Variants in RASAL2 observed in about 807,000 individuals in gnomAD.
RASAL2 encodes ras GTPase-activating protein nGAP.
Under a neutral mutation model 128.9 loss-of-function variants are expected in RASAL2, and 58 were observed. The observed-to-expected ratio is 0.45, with a 90% confidence interval of 0.36 to 0.56. The LOEUF (loss-of-function observed/expected upper bound fraction) is 0.56, where lower values mean the gene tolerates loss of function less well. Among genes scored for constraint, RASAL2 ranks in the 20% least tolerant of loss-of-function variants. RASAL2 has a pLI of 0.00. For synonymous variants in RASAL2, 561 were observed against 580.8 expected (o/e 0.97, Z 0.49); for missense variants, 1,360 against 1,601.6 (o/e 0.85, Z 2.57).
chr1:178,124,594 C>T (rs192313989), intron 1 of RASAL2, among the ~76,000 whole-genome samples: 70 of 152,082 alleles, frequency 4.6e-4, no homozygotes, highest in African/African-American at 1.5e-3. Context: ...GTTATTTTAC[C>T]GTTAGTTTAC....
At chr1:178,461,123 A>T (rs1351333154) in intron 14 of RASAL2, among the ~76,000 whole-genome samples, 1 of 151,820 alleles carries the variant, frequency 6.6e-6, no homozygotes, top group Non-Finnish European at 1.5e-5. Flanking sequence ...CTAGTTTTTT[A>T]TTTCTTATCT....
At chr1:178,229,213 A>C (rs1663903094) in intron 1 of RASAL2, among the ~76,000 whole-genome samples, 1 of 152,194 alleles carries the variant, frequency 6.6e-6, no homozygotes, top group African/African-American at 2.4e-5. Context: ...TTTCTCTTAC[A>C]TAACCATAGT....
chr1:178,409,479 C>A (rs1319410413), intron 4 of RASAL2, among the ~76,000 whole-genome samples: 2 of 152,044 alleles, frequency 1.3e-5, no homozygotes, highest in East Asian at 1.9e-4. Context: ...ATGATTCAGC[C>A]AGGGAGAAGG....
chr1:178,379,122 T>C (rs887349792), intron 3 of RASAL2, among the ~76,000 whole-genome samples: 3 of 152,126 alleles, frequency 2.0e-5, no homozygotes, highest in African/African-American at 7.2e-5. Context: ...TTTTTGATAA[T>C]ATATTTGGAA....
intron 3 of RASAL2, among the ~76,000 whole-genome samples, chr1:178,327,283 C>T (rs1052193621): frequency 6.6e-6 from 1 of 151,992 alleles, no homozygotes; most frequent in African/African-American, 2.4e-5. Flanking sequence ...TCTTAGATAA[C>T]AGAAAATTAT....
intron 1 of RASAL2, among the ~76,000 whole-genome samples, chr1:178,262,512 G>A (rs1298967511): frequency 2.0e-5 from 3 of 152,148 alleles, no homozygotes; most frequent in Non-Finnish European, 4.4e-5. Flanking sequence ...AATCTTACGA[G>A]TTTGGATTCA....
intron 3 of RASAL2, among the ~76,000 whole-genome samples, chr1:178,362,063 G>A (rs74941627): frequency 6.6e-6 from 1 of 152,238 alleles, no homozygotes; most frequent in African/African-American, 2.4e-5. Context: ...CCTGCTGTGC[G>A]GCCTACTTCC....
Position 178,185,826 on chromosome 1 carries a change from A to T in RASAL2, c.202+91132A>T, listed in dbSNP as rs1171586321. ...GAGTCTTTATATTCATGTTTATGAG[A>T]GATATTGTTCTATTGTTTTCCTTTC... On this transcript the variant is annotated intron_variant, in intron 1 of 17. Transcript: ENST00000367649. 2.6e-5 allele frequency among the ~76,000 whole-genome samples: 4 copies of T among 152,036 alleles called. No individual in the cohort carries two copies. In the South Asian group the frequency reaches 6.2e-4, roughly 24 times the overall value.
At chr1:178,221,425 A>G (rs186373208) in intron 1 of RASAL2, among the ~76,000 whole-genome samples, 1 of 152,228 alleles carries the variant, frequency 6.6e-6, no homozygotes, top group Admixed American at 6.5e-5. Flanking sequence ...CTATAAGTAC[A>G]GTTTTCACTG....
chr1:178,232,036 A>T (rs1664031296), intron 1 of RASAL2, among the ~76,000 whole-genome samples: 1 of 152,218 alleles, frequency 6.6e-6, no homozygotes, highest in African/African-American at 2.4e-5. Context: ...ACTTAGTGTG[A>T]GACCTGTTTT....
intron 3 of RASAL2, among the ~76,000 whole-genome samples, chr1:178,300,490 T>C (rs1667718920): frequency 1.3e-5 from 2 of 152,198 alleles, no homozygotes; most frequent in African/African-American, 4.8e-5. Flanking sequence ...TTAAGTGGTT[T>C]AGATGTGTCT....
At chr1:178,240,131 GT>G (rs901958038) in intron 1 of RASAL2, among the ~76,000 whole-genome samples, 1 of 151,982 alleles carries the variant, frequency 6.6e-6, no homozygotes, top group African/African-American at 2.4e-5. Flanking sequence ...CAAGCACAGT[GT>G]TTTATGAACA....
chr1:178,313,986 C>T (rs1668380140), intron 3 of RASAL2, among the ~76,000 whole-genome samples: 1 of 152,136 alleles, frequency 6.6e-6, no homozygotes, highest in African/African-American at 2.4e-5. Flanking sequence ...ATATTTTCTT[C>T]TCTTTGTCTC....
chr1:178,212,677 A>T (rs1243742177), intron 1 of RASAL2, among the ~76,000 whole-genome samples: 1 of 152,092 alleles, frequency 6.6e-6, no homozygotes, highest in African/African-American at 2.4e-5. Flanking sequence ...TTTTTAGTAG[A>T]GATGGGGTCT....
intron 1 of RASAL2, among the ~76,000 whole-genome samples, chr1:178,148,980 TTC>T (rs1362323249): frequency 2.0e-5 from 3 of 152,156 alleles, no homozygotes; most frequent in Non-Finnish European, 4.4e-5. Context: ...CCTATTCTCA[TTC>T]TCTCTCTTTC....
At chr1:178,232,946 C>G (rs1193888021) in intron 1 of RASAL2, among the ~76,000 whole-genome samples, 1 of 152,094 alleles carries the variant, frequency 6.6e-6, no homozygotes, top group Non-Finnish European at 1.5e-5. Context: ...TTTTATTTCA[C>G]TTAAAAAAAT....
rs527540146 is a variant in RASAL2, at chr1:178,323,253, G to A, written c.457+23135G>A. On this transcript the variant is annotated intron_variant, in intron 3 of 17. Transcript: ENST00000367649. ...GCAAGATTGTATCTTACTCACCTTG[G>A]TATCACCATAGCAGGTTGTTTTGTA... Among the ~76,000 whole-genome samples the A allele has an allele frequency of 2.6e-5, 4 of 152,232 alleles. No homozygotes were observed. In the South Asian group the frequency reaches 8.3e-4, roughly 32 times the overall value.
chr1:178,277,729 G>A (rs546705051), intron 1 of RASAL2, among the ~76,000 whole-genome samples: 54 of 152,296 alleles, frequency 3.5e-4, no homozygotes, highest in African/African-American at 1.2e-3. Context: ...CTCTTTTAGT[G>A]TATTAAGACC....
At chr1:178,205,776 G>A (rs937702108) in intron 1 of RASAL2, among the ~76,000 whole-genome samples, 3 of 151,990 alleles carry the variant, frequency 2.0e-5, no homozygotes, top group Admixed American at 6.6e-5. Flanking sequence ...AAAGACTCAT[G>A]TTCACACCTC....
Sources: gnomAD v4.1 joint callset for allele counts (sites outside exome capture counted in the v4.1 genomes callset) on GRCh38, gnomAD v4.1.1 for gene constraint, MANE v1.5 for transcripts, NCBI Gene and HGNC (gene_info 2026-07-23, HGNC 2026-07-21) for gene names.